CD6: variants seen among roughly 807,000 people sequenced by gnomAD.
CD6 encodes the protein CD6 molecule.
In CD6, 53 loss-of-function variants were observed where a neutral mutation model predicts 75.3. That is an observed-to-expected ratio of 0.70 (90% CI 0.56 to 0.88). The LOEUF (loss-of-function observed/expected upper bound fraction) is 0.88, where lower values mean the gene tolerates loss of function less well. Ranked by LOEUF, CD6 falls within the 40% of genes least tolerant of loss-of-function variation. CD6 has a pLI of 0.00. For missense variants in CD6, 770 were observed against 897.1 expected, an observed-to-expected ratio of 0.86 and a Z score of 1.81; for synonymous variants, 359 against 381.5, an observed-to-expected ratio of 0.94 and a Z score of 0.69.
intron 6 of CD6, 68 bp downstream of exon 6, chr11:61,011,203 GTTCCTGTGCACACC>G: frequency 1.6e-4 from 205 of 1,309,732 alleles, no homozygotes; most frequent in Non-Finnish European, 1.9e-4. Flanking sequence ...GTGTGTGTGT[GTTCCTGTGCACACC>G]TGTGTTGGGG....
intron 1 of CD6, among the ~76,000 whole-genome samples, chr11:60,995,102 C>T (rs2283263): frequency 0.27 from 41,376 of 151,808 alleles, 7,448 homozygotes; most frequent in East Asian, 0.56. Flanking sequence ...AATTATATTA[C>T]TTGTATGAGC....
In CD6 at chr11:60,971,788, C is replaced by T. The variant is rs1421513773; in HGVS notation, c.-78C>T. ...GCAGACCTGCGCCAGGGGCGCACAA[C>T]GGCCGTGTCCACCTCCCGGCCCCAA... On this transcript the variant is annotated 5_prime_UTR_variant, in exon 1 of 13. The change creates a new upstream start codon in the 5' untranslated region. Coordinates refer to ENST00000313421, the MANE Select transcript of CD6 (RefSeq NM_006725.5). The T allele has an allele frequency of 9.7e-6, 14 of 1,438,274 alleles. No homozygotes were observed. The highest frequency in any genetic ancestry group is 1.8e-5 in the Admixed American group (1 of 56,226). 89.1% of individuals were successfully genotyped at this position (1,438,274 alleles called of 1,614,324 possible).
intron 1 of CD6, among the ~76,000 whole-genome samples, chr11:60,987,153 A>G (rs190969737): frequency 4.2e-4 from 64 of 152,330 alleles, no homozygotes; most frequent in African/African-American, 1.4e-3. Flanking sequence ...GTATTGTCTC[A>G]CAGTTCTGGA....
intron 1 of CD6, among the ~76,000 whole-genome samples, chr11:60,974,169 G>A (rs762670860): frequency 2.2e-4 from 34 of 152,314 alleles, no homozygotes; most frequent in African/African-American, 5.1e-4. Flanking sequence ...AATGAAGTGC[G>A]TGTGGAAGTT....
At chr11:60,980,922 G>A (rs555485747) in intron 1 of CD6, among the ~76,000 whole-genome samples, 63 of 152,300 alleles carry the variant, frequency 4.1e-4, no homozygotes, top group Non-Finnish European at 5.4e-4. Context: ...CGAGGGCCCG[G>A]CTGAGGGGAG....
Position 61,017,839 on chromosome 11 carries a change from C to T in CD6, c.1663C>T (p.Gln555Ter), listed in dbSNP as rs1358808578. 1.9e-6 allele frequency: 3 copies of T among 1,614,042 alleles called. No individual in the cohort carries two copies. The highest frequency in any genetic ancestry group is 1.3e-5 in the African/African-American group (1 of 74,912). Residue 555 changes from glutamine to a stop codon, truncating the protein, a stop_gained, in exon 11 of 13, where the codon CAG becomes TAG. Transcript: ENST00000313421. LOFTEE classifies it high-confidence loss of function. ...CITDPPSLGP[Q>*]YHPRSNSESS... The stretch of plus-strand genomic sequence containing the variant: ...TACAGACCCGCCATCCCTGGGCCCT[C>T]AGTATCACCCGAGGAGCAACAGTGA...
At chr11:60,999,329 A>G (rs1354345309) in intron 1 of CD6, among the ~76,000 whole-genome samples, 1 of 151,066 alleles carries the variant, frequency 6.6e-6, no homozygotes, top group African/African-American at 2.4e-5. Context: ...CTTAGAATCT[A>G]GTGAGCCGAT....
intron 9 of CD6, 131 bp downstream of exon 9, chr11:61,015,966 C>T: frequency 2.6e-6 from 3 of 1,141,682 alleles, no homozygotes; most frequent in Non-Finnish European, 3.7e-6. Context: ...TGGTTACCCA[C>T]TGGATTGACT....
intron 1 of CD6, among the ~76,000 whole-genome samples, chr11:60,983,585 T>G (rs1314760177): frequency 6.6e-6 from 1 of 152,072 alleles, no homozygotes. Context: ...TGAGAGAAGG[T>G]TGTAATGTCC....
intron 1 of CD6, among the ~76,000 whole-genome samples, chr11:61,000,649 T>C (rs565480690): frequency 7.9e-5 from 12 of 152,320 alleles, no homozygotes; most frequent in African/African-American, 2.9e-4. Context: ...GGCTCAGCTT[T>C]CCCTCGATGT....
intron 1 of CD6, among the ~76,000 whole-genome samples, chr11:60,972,487 C>T (rs189892495): frequency 3.3e-5 from 5 of 152,306 alleles, no homozygotes; most frequent in African/African-American, 1.2e-4. Flanking sequence ...TCTCAAGCTG[C>T]CCCCAAGTGT....
Position 60,971,704 on chromosome 11 carries a change from T to C in CD6, c.-162T>C, listed in dbSNP as rs1032985471. ...CACTCACAGGTTGGGTTTGATCGCA[T>C]GCGTGTCGGAGAGGAGAGAGCAGAG... On this transcript the variant is annotated 5_prime_UTR_variant, in exon 1 of 13. The change abolishes an upstream ATG in the 5' untranslated region. Coordinates refer to ENST00000313421, the MANE Select transcript of CD6 (RefSeq NM_006725.5). 1.0e-5 allele frequency: 7 copies of C among 668,852 alleles called. No individual in the cohort carries two copies. The highest frequency in any genetic ancestry group is 1.8e-5 in the Non-Finnish European group (7 of 384,518). The allele number at this position is 668,852 out of a possible 1,614,324, so 41.4% of individuals were successfully genotyped here. A position where few individuals can be genotyped will look rare whatever the true frequency, so the allele number is the denominator to read the frequency against.
chr11:60,976,955 G>C (rs1857385874), intron 1 of CD6, among the ~76,000 whole-genome samples: 1 of 152,108 alleles, frequency 6.6e-6, no homozygotes. Context: ...AATAATTTAT[G>C]ACAGGCTTCT....
chr11:60,975,561 G>A (rs1338553561), intron 1 of CD6, among the ~76,000 whole-genome samples: 2 of 152,180 alleles, frequency 1.3e-5, no homozygotes, highest in Non-Finnish European at 2.9e-5. Flanking sequence ...AGCACTTTGG[G>A]AGGCCAAGGC....
At chr11:61,008,121 C>T (rs998543985) in intron 3 of CD6, among the ~76,000 whole-genome samples, 2 of 152,274 alleles carry the variant, frequency 1.3e-5, no homozygotes, top group African/African-American at 4.8e-5. Context: ...CCTCCAGACT[C>T]CACCCCCACA....
intron 1 of CD6, among the ~76,000 whole-genome samples, chr11:60,978,814 T>G (rs923288339): frequency 1.3e-4 from 20 of 152,204 alleles, no homozygotes; most frequent in African/African-American, 3.6e-4. Context: ...TTTCTTTGCC[T>G]GCATGCTAGA....
chr11:61,004,984 T>C (rs1000520480), intron 1 of CD6, among the ~76,000 whole-genome samples: 5 of 152,178 alleles, frequency 3.3e-5, no homozygotes, highest in African/African-American at 7.2e-5. Flanking sequence ...GAGGAGTTCA[T>C]AGGCAACCAC....
chr11:60,985,334 C>A (rs185658157), intron 1 of CD6, among the ~76,000 whole-genome samples: 1 of 151,986 alleles, frequency 6.6e-6, no homozygotes, highest in Non-Finnish European at 1.5e-5. Context: ...CAGGCATGCA[C>A]CACCATTGCC....
chr11:61,020,266 C>G lies in CD6; in HGVS notation c.*948C>G. 1 of 398,936 alleles carries G rather than the reference C, an allele frequency of 2.5e-6. No individual in the cohort carries two copies. Among genetic ancestry groups the G allele is most frequent in the East Asian group, 3.6e-5 (1 of 28,076 alleles). 24.7% of individuals were successfully genotyped at this position (398,936 alleles called of 1,614,324 possible). Reference sequence around the variant, plus strand: ...GATGCGTGACTATGTGGTGTTGCACCCGGGGCTGCAAACGTCTCCGTGCAG... The same window carrying G: ...GATGCGTGACTATGTGGTGTTGCACGCGGGGCTGCAAACGTCTCCGTGCAG... On this transcript the variant is annotated 3_prime_UTR_variant, in exon 13 of 13. Transcript: ENST00000313421.
Sources: gnomAD v4.1 joint callset for allele counts (sites outside exome capture counted in the v4.1 genomes callset) on GRCh38, gnomAD v4.1.1 for gene constraint, MANE v1.5 for transcripts, NCBI Gene and HGNC (gene_info 2026-07-23, HGNC 2026-07-21) for gene names.